The following NAA11 variants were observed in gnomAD, a reference collection of about 807,000 sequenced individuals.
The protein encoded by NAA11 is N-alpha-acetyltransferase 11, NatA catalytic subunit.
In NAA11, 15 loss-of-function variants were observed where a neutral mutation model predicts 16.1. The observed-to-expected ratio is 0.93, with a 90% CI of 0.62 to 1.44. The LOEUF (loss-of-function observed/expected upper bound fraction) is 1.44, where lower values mean the gene tolerates loss of function less well. NAA11 is among the 40% of genes most tolerant of loss of function. NAA11 has a pLI of 0.00. For missense variants in NAA11, 298 were observed against 291.3 expected (o/e 1.02, Z -0.17); for synonymous variants, 122 against 112.4 (o/e 1.09, Z -0.54).
the NAA11 span, among the ~76,000 whole-genome samples, chr4:79,219,227 C>T: frequency 7.2e-5 from 11 of 152,044 alleles, no homozygotes; most frequent in Admixed American, 2.0e-4. Context: ...TGAGCTTGGT[C>T]GATTGGATGA....
rs180698465 is a variant in NAA11 at position 79,286,942 on chromosome 4, A to C, written c.*122+7063T>G. Among the ~76,000 whole-genome samples the C allele has an allele frequency of 6.8e-4, 103 of 152,268 alleles. 1 individual carries two copies. Among genetic ancestry groups the C allele is most frequent in the Admixed American group, 5.0e-3 (76 of 15,282 alleles). On this transcript the variant is annotated intron_variant and NMD_transcript_variant, in intron 2 of 2. Coordinates refer to the NAA11 transcript ENST00000511542. ...CATGGGAATACATGTTGCTACAAAA[A>C]AATTCTCATGAAAAATATGGATTAA... is the stretch of plus-strand genomic sequence containing the variant.
At chr4:79,196,915 G>C in the NAA11 span, among the ~76,000 whole-genome samples, 1 of 116,236 alleles carries the variant, frequency 8.6e-6, no homozygotes, top group Non-Finnish European at 1.6e-5. Flanking sequence ...AAGGGGCCAT[G>C]AACCAGGGAA....
downstream of NAA11, among the ~76,000 whole-genome samples, chr4:79,315,889 C>A (rs1723913688): frequency 6.6e-6 from 1 of 152,172 alleles, no homozygotes; most frequent in African/African-American, 2.4e-5. Flanking sequence ...TAGCCCAAAC[C>A]AGATAGGCTG....
the NAA11 span, among the ~76,000 whole-genome samples, chr4:79,187,693 C>T: frequency 6.6e-6 from 1 of 152,100 alleles, no homozygotes; most frequent in Non-Finnish European, 1.5e-5. Flanking sequence ...GTTTAGCAAA[C>T]TGAACTTGCT....
chr4:79,218,657 A>G, the NAA11 span, among the ~76,000 whole-genome samples: 89 of 151,988 alleles, frequency 5.9e-4, no homozygotes, highest in Admixed American at 2.0e-4. Context: ...CAATTCCGCT[A>G]TTTTTTAATA....
rs1006364943 is a variant in NAA11 at position 79,263,731 on chromosome 4, G to A, written c.*122+30274C>T. Among the ~76,000 whole-genome samples, 7 of 151,972 alleles carry A rather than the reference G, an allele frequency of 4.6e-5. No homozygotes were observed. In the South Asian group the frequency reaches 1.0e-3, roughly 23 times the overall value. ...CTATTCCGTTCACTTAGCACTACTT[G>A]GAAATCCCTCCATATTTTCTTAGTC... is the stretch of plus-strand genomic sequence containing the variant. On this transcript the variant is annotated intron_variant and NMD_transcript_variant, in intron 2 of 2. Coordinates refer to the NAA11 transcript ENST00000511542.
At chr4:79,216,168 G>A in the NAA11 span, among the ~76,000 whole-genome samples, 1 of 152,054 alleles carries the variant, frequency 6.6e-6, no homozygotes, top group Non-Finnish European at 1.5e-5. Context: ...CAAGGTAGGA[G>A]ATAAGTGAAC....
the NAA11 span, among the ~76,000 whole-genome samples, chr4:79,203,803 A>G: frequency 6.6e-6 from 1 of 151,900 alleles, no homozygotes; most frequent in South Asian, 2.1e-4. Flanking sequence ...CTCAGAGTTA[A>G]TAGTTCTCAC....
At chr4:79,234,799 A>G (rs1721535867) in intron 2 of NAA11, among the ~76,000 whole-genome samples, 1 of 152,104 alleles carries the variant, frequency 6.6e-6, no homozygotes, top group Non-Finnish European at 1.5e-5. Flanking sequence ...TTAAAATGTT[A>G]TGAACACCAT....
intron 2 of NAA11, among the ~76,000 whole-genome samples, chr4:79,258,278 T>C (rs1432200702): frequency 6.6e-6 from 1 of 152,250 alleles, no homozygotes; most frequent in Non-Finnish European, 1.5e-5. Flanking sequence ...GGACCCCTGA[T>C]CCTGGGAGCA....
chr4:79,230,424 T>TAATA (rs201839991), intron 2 of NAA11, among the ~76,000 whole-genome samples: 3 of 151,892 alleles, frequency 2.0e-5, no homozygotes, highest in Non-Finnish European at 2.9e-5. Flanking sequence ...TAAAGTATAA[T>TAATA]AATAAATAAA....
chr4:79,272,409 A>G (rs1176283178), intron 2 of NAA11, among the ~76,000 whole-genome samples: 1 of 152,046 alleles, frequency 6.6e-6, no homozygotes, highest in African/African-American at 2.4e-5. Flanking sequence ...AACTAAGTAC[A>G]GTGATTTGAA....
chr4:79,262,538 ATCT>A (rs957580594), intron 2 of NAA11, among the ~76,000 whole-genome samples: 8 of 152,244 alleles, frequency 5.3e-5, no homozygotes, highest in Admixed American at 2.0e-4. Context: ...TGTGAGAAAC[ATCT>A]TCTTATTCAG....
At chr4:79,173,213 G>C in the NAA11 span, among the ~76,000 whole-genome samples, 1 of 152,140 alleles carries the variant, frequency 6.6e-6, no homozygotes, top group African/African-American at 2.4e-5. Context: ...AGGTTGTGGG[G>C]ATAGTGGGAC....
At chr4:79,305,512 C>G (rs748572222) in intron 1 of NAA11, among the ~76,000 whole-genome samples, 1 of 152,140 alleles carries the variant, frequency 6.6e-6, no homozygotes, top group Non-Finnish European at 1.5e-5. Context: ...TGAACAGGGC[C>G]TTCTTCCTAA....
At chr4:79,279,526 A>G (rs1299106671) in intron 2 of NAA11, among the ~76,000 whole-genome samples, 2 of 152,102 alleles carry the variant, frequency 1.3e-5, no homozygotes, top group South Asian at 2.1e-4. Flanking sequence ...AAAAGCAAAC[A>G]TAGTAACTAA....
chr4:79,251,852 T>G (rs944801172), intron 2 of NAA11, among the ~76,000 whole-genome samples: 1 of 152,186 alleles, frequency 6.6e-6, no homozygotes, highest in Non-Finnish European at 1.5e-5. Flanking sequence ...ATCCCTATGC[T>G]TTCATTTTAA....
At chr4:79,229,751 A>G (rs928690801) in intron 2 of NAA11, among the ~76,000 whole-genome samples, 1 of 151,968 alleles carries the variant, frequency 6.6e-6, no homozygotes, top group East Asian at 1.9e-4. Flanking sequence ...TAGAGAGGCT[A>G]CTATTATGCC....
intron 2 of NAA11, chr4:79,244,581 A>T (rs992572403): frequency 3.5e-5 from 5 of 142,382 alleles, no homozygotes; most frequent in Admixed American, 2.9e-4. Context: ...ATTTTATTAT[A>T]GCTCTTGAAA....
Sources: allele counts gnomAD v4.1 joint callset (sites outside exome capture counted in the v4.1 genomes callset), GRCh38; gene constraint gnomAD v4.1.1; transcripts MANE v1.5; gene names NCBI Gene and HGNC (gene_info 2026-07-23, HGNC 2026-07-21).